The following STK32B variants were observed in gnomAD, a reference collection of about 807,000 sequenced individuals.
STK32B encodes serine/threonine kinase 32B.
A neutral mutation model predicts 52.6 loss-of-function variants in STK32B; 43 were observed. The observed-to-expected ratio is 0.82, with a 90% CI of 0.64 to 1.05. The LOEUF (loss-of-function observed/expected upper bound fraction) is 1.05. Among genes scored for constraint, STK32B ranks in the 50% least tolerant of loss-of-function variants. STK32B has a pLI of 0.00. For missense variants in STK32B, 621 were observed against 534.6 expected (o/e 1.16, Z -1.59); for synonymous variants, 238 against 204.3 (o/e 1.17, Z -1.41).
At chr4:5,268,885 G>A (rs1727229827) in intron 3 of STK32B, among the ~76,000 whole-genome samples, 2 of 152,082 alleles carry the variant, frequency 1.3e-5, no homozygotes, top group South Asian at 4.1e-4. Context: ...TAGTTTGGAA[G>A]AAACTGGACT....
At chr4:5,123,328 A>T (rs775380362) in intron 1 of STK32B, among the ~76,000 whole-genome samples, 1 of 152,088 alleles carries the variant, frequency 6.6e-6, no homozygotes, top group African/African-American at 2.4e-5. Context: ...ACCCGGCTTC[A>T]TCTTCCTTGG....
intron 3 of STK32B, among the ~76,000 whole-genome samples, chr4:5,250,248 T>C (rs1383250072): frequency 6.6e-6 from 1 of 152,132 alleles, no homozygotes; most frequent in African/African-American, 2.4e-5. Context: ...ACAAATTATA[T>C]TCCTTTGAGT....
intron 7 of STK32B, among the ~76,000 whole-genome samples, chr4:5,452,464 C>T (rs887858607): frequency 6.6e-6 from 1 of 152,086 alleles, no homozygotes; most frequent in Non-Finnish European, 1.5e-5. Context: ...GATCTCCATT[C>T]AAAGGAGGAG....
chr4:5,092,377 C>T (rs962598738), intron 1 of STK32B, among the ~76,000 whole-genome samples: 12 of 152,012 alleles, frequency 7.9e-5, no homozygotes, highest in African/African-American at 2.9e-4. Flanking sequence ...ACTAAAAATA[C>T]AAGAACTAGC....
At chr4:5,353,320 C>A (rs1733961557) in intron 4 of STK32B, among the ~76,000 whole-genome samples, 1 of 147,212 alleles carries the variant, frequency 6.8e-6, no homozygotes, top group South Asian at 2.1e-4. Flanking sequence ...ACAAGGAAAA[C>A]AATTCAGGAT....
At chr4:5,490,230 C>T (rs1329496428) in intron 11 of STK32B, among the ~76,000 whole-genome samples, 1 of 151,986 alleles carries the variant, frequency 6.6e-6, no homozygotes, top group Non-Finnish European at 1.5e-5. Context: ...CCTCAGCCTC[C>T]CGAGTAGCTG....
intron 3 of STK32B, among the ~76,000 whole-genome samples, chr4:5,211,859 C>G (rs1722925762): frequency 6.6e-6 from 1 of 152,192 alleles, no homozygotes. Context: ...ACAAGTCTCT[C>G]TGATTTTGTT....
chr4:5,396,577 T>G lies in STK32B; in HGVS notation c.435-1630T>G, dbSNP rs61199930. On this transcript the variant is annotated intron_variant, in intron 4 of 11. Coordinates refer to ENST00000282908, the MANE Select transcript of STK32B (RefSeq NM_018401.3). This position sits in a 1 kb window ranked among gnomAD's most constrained non-coding sequence, Gnocchi z 4.7. ...ACCCTCACCTCACCTGTGTCCTGAC[T>G]CTAACTCTATCTTTAGGCTGTGGCC... Among the ~76,000 whole-genome samples, 1,674 of 152,252 alleles carry G rather than the reference T, an allele frequency of 0.011. 28 individuals carry two copies. Among genetic ancestry groups the G allele is most frequent in the African/African-American group, 0.038 (1,563 of 41,528 alleles).
At chr4:5,083,221 C>G (rs372433664) in intron 1 of STK32B, among the ~76,000 whole-genome samples, 1 of 151,946 alleles carries the variant, frequency 6.6e-6, no homozygotes, top group Non-Finnish European at 1.5e-5. Flanking sequence ...CTTGGGATGA[C>G]TAAAATTTAG....
chr4:5,060,930 T>C (rs1742194302), intron 1 of STK32B, among the ~76,000 whole-genome samples: 1 of 152,194 alleles, frequency 6.6e-6, no homozygotes, highest in Non-Finnish European at 1.5e-5. Flanking sequence ...CCAAACTGCT[T>C]TTAAGAGTTT....
chr4:5,058,861 A>C lies in STK32B; in HGVS notation c.52+6946A>C, dbSNP rs1006310866. On this transcript the variant is annotated intron_variant, in intron 1 of 11. Transcript: ENST00000282908. The surrounding 1 kb of genome is among the most constrained non-coding windows in gnomAD (Gnocchi z 4.8). ...TGCCTCCCAGGTTCAAGCGATTCTC[A>C]TGCCTCAGCCTCCCCAGTACCTGGG... is the stretch of plus-strand genomic sequence containing the variant. 6.6e-6 allele frequency among the ~76,000 whole-genome samples: 1 copy of C among 151,862 alleles called. No individual in the cohort carries two copies. The highest frequency in any genetic ancestry group is 6.6e-5 in the Admixed American group (1 of 15,230).
At chr4:5,036,659 A>ATT in the STK32B span, among the ~76,000 whole-genome samples, 51 of 74,226 alleles carry the variant, frequency 6.9e-4, 1 homozygote, top group African/African-American at 1.0e-3. Context: ...GCAAGGGTGG[A>ATT]TTTTTTTTTT....
At chr4:5,026,957 G>C in the STK32B span, among the ~76,000 whole-genome samples, 3 of 152,160 alleles carry the variant, frequency 2.0e-5, no homozygotes, top group African/African-American at 7.2e-5. Flanking sequence ...GCCTAGCATT[G>C]AACACATCAA....
At chr4:5,040,798 C>T in the STK32B span, among the ~76,000 whole-genome samples, 1 of 152,176 alleles carries the variant, frequency 6.6e-6, no homozygotes, top group South Asian at 2.1e-4. Context: ...TATGCGTTGT[C>T]ACCACATGCC....
At chr4:5,372,915 G>T (rs187434453) in intron 4 of STK32B, among the ~76,000 whole-genome samples, 165 of 152,264 alleles carry the variant, frequency 1.1e-3, no homozygotes, top group Non-Finnish European at 2.0e-3. Flanking sequence ...CAGGACATAA[G>T]ACCCATGACC....
intron 1 of STK32B, among the ~76,000 whole-genome samples, chr4:5,103,921 C>T (rs772166201): frequency 1.3e-5 from 2 of 152,114 alleles, no homozygotes; most frequent in Non-Finnish European, 2.9e-5. Context: ...CCTTAAATGG[C>T]AAAGGATATT....
chr4:5,274,287 A>G (rs917930244), intron 3 of STK32B, among the ~76,000 whole-genome samples: 4 of 152,206 alleles, frequency 2.6e-5, no homozygotes, highest in African/African-American at 9.6e-5. Context: ...AGACACACAA[A>G]TAGATCAATA....
intron 3 of STK32B, among the ~76,000 whole-genome samples, chr4:5,280,126 G>A (rs1728097011): frequency 6.6e-6 from 1 of 152,074 alleles, no homozygotes; most frequent in Non-Finnish European, 1.5e-5. Flanking sequence ...CTACCACATG[G>A]TCAGGCTGCA....
chr4:5,031,462 G>A, the STK32B span, among the ~76,000 whole-genome samples: 1 of 152,108 alleles, frequency 6.6e-6, no homozygotes, highest in African/African-American at 2.4e-5. Context: ...AGCTGGGTAT[G>A]GTGGCATGTG....
Sources: allele counts gnomAD v4.1 joint callset (sites outside exome capture counted in the v4.1 genomes callset), GRCh38; gene constraint gnomAD v4.1.1; non-coding constraint Gnocchi (gnomAD v3.1); transcripts MANE v1.5; gene names NCBI Gene and HGNC (gene_info 2026-07-23, HGNC 2026-07-21).